FNDC1: variants seen among roughly 807,000 people sequenced by gnomAD.
FNDC1 encodes fibronectin type III domain containing 1, also known as fibronectin type III domain-containing protein 1.
Under a neutral mutation model 168.0 loss-of-function variants are expected in FNDC1, and 96 were observed. The observed-to-expected ratio is 0.57, with a 90% CI of 0.48 to 0.68. The LOEUF is 0.68. Ranked by LOEUF, FNDC1 falls within the 30% of genes least tolerant of loss-of-function variation. FNDC1 has a pLI of 0.00. For synonymous variants in FNDC1, 1,099 were observed against 1,025.9 expected, an observed-to-expected ratio of 1.07 and a Z score of -1.36; for missense variants, 2,587 against 2,482.1, an observed-to-expected ratio of 1.04 and a Z score of -0.90.
chr6:159,268,674 C>T (rs544165294), intron 22 of FNDC1, among the ~76,000 whole-genome samples: 1 of 150,704 alleles, frequency 6.6e-6, no homozygotes, highest in East Asian at 1.9e-4. Flanking sequence ...ATCCATCTCT[C>T]TATCCATCTA....
At chr6:159,256,741 T>C in intron 18 of FNDC1, 110 bp downstream of exon 18, 1 of 803,990 alleles carries the variant, frequency 1.2e-6, no homozygotes, top group African/African-American at 1.7e-5. Flanking sequence ...TTTCTTTGAA[T>C]ACCCTGTTTG....
chr6:159,234,305 A>C lies in FNDC1; in HGVS notation c.3793A>C (p.Ser1265Arg), dbSNP rs757529235. The C allele has an allele frequency of 3.1e-6, 5 of 1,607,042 alleles. No individual in the cohort carries two copies. In the East Asian group the frequency reaches 1.1e-4, roughly 36 times the overall value. ...CGTCCCTTCCCGACTGCCGCCTCGC[A>C]GCGCTGCCACCGTGAGCCCCGTCGC... ...SHVPSRLPPR[S>R]AATVSPVAGT... Residue 1265 changes from serine (S) to arginine (R), a missense_variant, in exon 11 of 23, where the codon AGC becomes CGC. Physicochemically the swap from Ser to Arg is moderately radical, Grantham distance 110. Transcript: ENST00000297267.
intron 12 of FNDC1, among the ~76,000 whole-genome samples, chr6:159,237,806 G>A (rs1783298554): frequency 6.6e-6 from 1 of 152,134 alleles, no homozygotes; most frequent in African/African-American, 2.4e-5. Flanking sequence ...GCTTATATAT[G>A]CAAATGGATA....
chr6:159,183,555 G>A (rs770790840), intron 1 of FNDC1, among the ~76,000 whole-genome samples: 1 of 152,242 alleles, frequency 6.6e-6, no homozygotes, highest in Non-Finnish European at 1.5e-5. Flanking sequence ...AGCACCAGGT[G>A]TGCTACATGG....
chr6:159,224,150 C>T (rs1782903294), intron 7 of FNDC1, among the ~76,000 whole-genome samples: 1 of 152,216 alleles, frequency 6.6e-6, no homozygotes, highest in African/African-American at 2.4e-5. Context: ...TCATGTCTGG[C>T]TCATTTATAC....
chr6:159,254,410 C>T (rs1205287430), intron 17 of FNDC1, among the ~76,000 whole-genome samples: 1 of 152,114 alleles, frequency 6.6e-6, no homozygotes, highest in African/African-American at 2.4e-5. Context: ...CTCCTCTGAG[C>T]CCCAAATAGT....
chr6:159,190,315 C>T (rs967753395), intron 1 of FNDC1, among the ~76,000 whole-genome samples: 14 of 152,234 alleles, frequency 9.2e-5, no homozygotes, highest in Admixed American at 7.9e-4. Context: ...CCGCACTCCA[C>T]GCTGCAGCCG....
At chr6:159,265,876 C>G (rs974380489) in intron 20 of FNDC1, among the ~76,000 whole-genome samples, 1 of 152,072 alleles carries the variant, frequency 6.6e-6, no homozygotes, top group African/African-American at 2.4e-5. Flanking sequence ...TGCAGTGAGC[C>G]GAGATCGTGC....
chr6:159,183,264 C>G (rs561813935), intron 1 of FNDC1, among the ~76,000 whole-genome samples: 7 of 152,214 alleles, frequency 4.6e-5, no homozygotes, highest in Non-Finnish European at 1.0e-4. Context: ...GGTGGACACT[C>G]TCTTTCAAGA....
At chr6:159,256,738 G>T in intron 18 of FNDC1, 107 bp downstream of exon 18, 2 of 818,186 alleles carry the variant, frequency 2.4e-6, no homozygotes, top group Non-Finnish European at 4.1e-6. Flanking sequence ...TGATTTCTTT[G>T]AATACCCTGT....
chr6:159,174,934 A>G (rs1781732952), intron 1 of FNDC1, among the ~76,000 whole-genome samples: 1 of 152,220 alleles, frequency 6.6e-6, no homozygotes, highest in Non-Finnish European at 1.5e-5. Flanking sequence ...TTTTGTATCC[A>G]GAGAGGATAA....
At chr6:159,204,851 G>A (rs1318293461) in intron 4 of FNDC1, among the ~76,000 whole-genome samples, 2 of 152,208 alleles carry the variant, frequency 1.3e-5, no homozygotes, top group African/African-American at 4.8e-5. Flanking sequence ...ACAGTGGCTA[G>A]TCCAAAATGT....
Position 159,233,786 on chromosome 6 carries a change from C to T in FNDC1, c.3274C>T (p.Arg1092Trp), listed in dbSNP as rs1783168375. The T allele has an allele frequency of 6.5e-7, 1 of 1,539,018 alleles. No individual in the cohort carries two copies. Residue 1092 changes from arginine to tryptophan, a missense_variant, in exon 11 of 23, where the codon CGG becomes TGG. Transcript: ENST00000297267. This position sits in a 1 kb window ranked among gnomAD's most constrained non-coding sequence, Gnocchi z 4.6. The stretch of plus-strand genomic sequence containing the variant: ...CACAGAAGTCGAGGCCCAGGATGTG[C>T]GGGCCCCCGCGCACGCCGCGCGCGC... ...DSTEVEAQDV[R>W]APAHAARAKE...
At chr6:159,239,170 A>T (rs1315856478) in intron 13 of FNDC1, among the ~76,000 whole-genome samples, 1 of 151,932 alleles carries the variant, frequency 6.6e-6, no homozygotes, top group African/African-American at 2.4e-5. Flanking sequence ...TCTTTTTTGC[A>T]CTCTAAAAGC....
chr6:159,257,775 A>G (rs1470048490), intron 18 of FNDC1, among the ~76,000 whole-genome samples: 1 of 152,264 alleles, frequency 6.6e-6, no homozygotes, highest in Non-Finnish European at 1.5e-5. Flanking sequence ...GCAAATTAAA[A>G]GCAAGTAGTA....
intron 11 of FNDC1, 33 bp downstream of exon 11, chr6:159,234,512 G>C (rs767470609): frequency 6.3e-7 from 1 of 1,597,764 alleles, no homozygotes; most frequent in East Asian, 2.2e-5. Flanking sequence ...CTTTCTTTAA[G>C]GTGTTCAGTG....
intron 10 of FNDC1, 45 bp downstream of exon 10, chr6:159,230,048 C>T: frequency 6.5e-7 from 1 of 1,536,096 alleles, no homozygotes; most frequent in Non-Finnish European, 8.8e-7. Context: ...CTCTTCATTC[C>T]TGCTGTTTGT....
intron 22 of FNDC1, among the ~76,000 whole-genome samples, chr6:159,269,538 C>G (rs11963437): frequency 2.7e-5 from 4 of 148,380 alleles, no homozygotes; most frequent in African/African-American, 1.0e-4. Flanking sequence ...ATCCATCCAT[C>G]CATCCATCCA....
chr6:159,271,501 A>G lies in FNDC1; in HGVS notation c.*59A>G, dbSNP rs926317615. ...CCAGCCCCACCAACTAAGTCGCACT[A>G]GGGGCTGTGAGCAAAGACAGCCAGC... On this transcript the variant is annotated 3_prime_UTR_variant, in exon 23 of 23. Transcript: ENST00000297267. 1.5e-6 allele frequency: 2 copies of G among 1,315,592 alleles called. No individual in the cohort carries two copies. The highest frequency in any genetic ancestry group is 2.1e-6 in the Non-Finnish European group (2 of 930,754). 81.5% of individuals were successfully genotyped at this position (1,315,592 alleles called of 1,614,324 possible).
Sources: gnomAD v4.1 joint callset for allele counts (sites outside exome capture counted in the v4.1 genomes callset) on GRCh38, gnomAD v4.1.1 for gene constraint, Gnocchi (gnomAD v3.1) non-coding constraint, MANE v1.5 for transcripts, NCBI Gene and HGNC (gene_info 2026-07-23, HGNC 2026-07-21) for gene names.